Variants in RBFOX1 observed in about 807,000 individuals in gnomAD.
RBFOX1 encodes RNA binding fox-1 homolog 1.
Under a neutral mutation model 57.7 loss-of-function variants are expected in RBFOX1, and 8 were observed. The ratio of observed to expected loss-of-function variants is 0.14; its 90% CI spans 0.08 to 0.25. The LOEUF (loss-of-function observed/expected upper bound fraction) is 0.25, where lower values mean the gene tolerates loss of function less well. RBFOX1 is among the 10% of genes least tolerant of loss of function. The pLI, the probability that RBFOX1 is intolerant of heterozygous loss-of-function variation, is 1.00. For missense variants in RBFOX1, 611 were observed against 548.5 expected (o/e 1.11, Z -1.14); for synonymous variants, 326 against 222.4 (o/e 1.47, Z -4.15).
intron 4 of RBFOX1, among the ~76,000 whole-genome samples, chr16:5,926,620 T>A (rs1473182683): frequency 6.6e-6 from 1 of 152,138 alleles, no homozygotes; most frequent in Non-Finnish European, 1.5e-5. Context: ...TAAATCTCAA[T>A]CTCTTCATTA....
At chr16:7,266,320 C>T (rs2095140559) in intron 4 of RBFOX1, among the ~76,000 whole-genome samples, 1 of 152,084 alleles carries the variant, frequency 6.6e-6, no homozygotes, top group South Asian at 2.1e-4. Flanking sequence ...TTCCCCCACG[C>T]TCTCGCCCTC....
chr16:7,205,188 C>T (rs189353313), intron 4 of RBFOX1, among the ~76,000 whole-genome samples: 10 of 152,096 alleles, frequency 6.6e-5, no homozygotes, highest in African/African-American at 2.2e-4. Flanking sequence ...GAGGCTTGCT[C>T]GATGAATATT....
At chr16:7,307,304 G>T (rs2096212770) in intron 4 of RBFOX1, among the ~76,000 whole-genome samples, 1 of 152,118 alleles carries the variant, frequency 6.6e-6, no homozygotes, top group Non-Finnish European at 1.5e-5. Flanking sequence ...TGCTTTCTTT[G>T]TCTCAGCATG....
chr16:6,912,227 C>G (rs1013972106), intron 3 of RBFOX1, among the ~76,000 whole-genome samples: 3 of 152,160 alleles, frequency 2.0e-5, no homozygotes, highest in Admixed American at 1.3e-4. Flanking sequence ...TGGAGTTTCT[C>G]AAACTTGAGG....
intron 4 of RBFOX1, among the ~76,000 whole-genome samples, chr16:7,125,639 C>G (rs761169856): frequency 6.6e-6 from 1 of 152,164 alleles, no homozygotes; most frequent in East Asian, 1.9e-4. Context: ...ATCGTTAACT[C>G]TACAGAGGAA....
At chr16:5,752,235 C>T (rs1409053456) in intron 3 of RBFOX1, among the ~76,000 whole-genome samples, 1 of 152,048 alleles carries the variant, frequency 6.6e-6, no homozygotes, top group East Asian at 1.9e-4. Flanking sequence ...AACACAGGGA[C>T]ACATAGAGGG....
intron 2 of RBFOX1, among the ~76,000 whole-genome samples, chr16:5,589,993 C>T (rs991578297): frequency 2.0e-5 from 3 of 152,116 alleles, no homozygotes; most frequent in African/African-American, 4.8e-5. Flanking sequence ...TTTTCTATTC[C>T]TGCCTCTTGA....
intron 4 of RBFOX1, among the ~76,000 whole-genome samples, chr16:7,106,953 G>C (rs1393167954): frequency 8.2e-6 from 1 of 121,646 alleles, no homozygotes; most frequent in African/African-American, 3.2e-5. Flanking sequence ...ATCCTACGAA[G>C]CTTGCATTCC....
intron 2 of RBFOX1, among the ~76,000 whole-genome samples, chr16:6,575,686 T>C (rs2097423274): frequency 6.6e-6 from 1 of 151,988 alleles, no homozygotes; most frequent in Non-Finnish European, 1.5e-5. Flanking sequence ...GGTGAAACAC[T>C]GTCTGTACTA....
intron 2 of RBFOX1, among the ~76,000 whole-genome samples, chr16:6,475,710 T>A (rs2153086631): frequency 6.6e-6 from 1 of 152,336 alleles, no homozygotes; most frequent in African/African-American, 2.4e-5. Flanking sequence ...TCCTGCAAAC[T>A]TTCAATGTGG....
At chr16:7,185,679 G>C (rs916360031) in intron 4 of RBFOX1, among the ~76,000 whole-genome samples, 1 of 152,092 alleles carries the variant, frequency 6.6e-6, no homozygotes, top group Non-Finnish European at 1.5e-5. Flanking sequence ...CTAGTTATGC[G>C]GTTTATCTTC....
At chr16:5,705,867 CT>C (rs1352242976) in intron 3 of RBFOX1, among the ~76,000 whole-genome samples, 1 of 152,168 alleles carries the variant, frequency 6.6e-6, no homozygotes, top group Middle Eastern at 3.2e-3. Flanking sequence ...AAATAGGTGC[CT>C]GATAGATGTT....
At position 5,879,687 on chromosome 16, in the gene RBFOX1, G is replaced by A. The variant is rs746369167; in HGVS notation, c.351+12352G>A. On this transcript the variant is annotated intron_variant, in intron 4 of 19. Transcript: ENST00000641259. Reference sequence around the variant, plus strand: ...AGAGGCTAAGCTATGCAAGTAACAAGTTAACCATGAAATCTCAATGGCCTA... The same window carrying A: ...AGAGGCTAAGCTATGCAAGTAACAAATTAACCATGAAATCTCAATGGCCTA... Among the ~76,000 whole-genome samples the A allele has an allele frequency of 2.0e-5, 3 of 152,316 alleles. No individual in the cohort carries two copies. The East Asian group carries it at 5.8e-4, about 29-fold the overall frequency.
chr16:6,014,318 G>A (rs1054774957), upstream of RBFOX1, among the ~76,000 whole-genome samples: 1 of 152,096 alleles, frequency 6.6e-6, no homozygotes, highest in Admixed American at 6.5e-5. Flanking sequence ...ATGAAGGCAG[G>A]AGAGGAAAAG....
intron 3 of RBFOX1, among the ~76,000 whole-genome samples, chr16:5,859,969 C>T (rs1055384549): frequency 6.6e-6 from 1 of 152,130 alleles, no homozygotes; most frequent in Non-Finnish European, 1.5e-5. Flanking sequence ...TGGGACTGAT[C>T]CCAAAGCACC....
chr16:6,941,848 C>T (rs1271713577), intron 3 of RBFOX1, among the ~76,000 whole-genome samples: 1 of 152,078 alleles, frequency 6.6e-6, no homozygotes, highest in African/African-American at 2.4e-5. Context: ...CTAACTCTTT[C>T]CCATCTGGAG....
At chr16:7,206,600 C>G (rs1292686301) in intron 4 of RBFOX1, among the ~76,000 whole-genome samples, 1 of 152,058 alleles carries the variant, frequency 6.6e-6, no homozygotes, top group Non-Finnish European at 1.5e-5. Flanking sequence ...TATTGCCAGT[C>G]ATATCGTACT....
intron 2 of RBFOX1, among the ~76,000 whole-genome samples, chr16:5,505,044 T>C (rs1019418522): frequency 1.3e-5 from 2 of 150,324 alleles, no homozygotes; most frequent in African/African-American, 5.0e-5. Flanking sequence ...GTCAAGGCGC[T>C]GGTTGCATAG....
intron 1 of RBFOX1, among the ~76,000 whole-genome samples, chr16:5,457,629 C>T (rs1216362787): frequency 6.6e-6 from 1 of 152,154 alleles, no homozygotes; most frequent in Admixed American, 6.6e-5. Context: ...GCATGGAGCA[C>T]TCTTTCTCCT....
Sources: gnomAD v4.1 joint callset for allele counts (sites outside exome capture counted in the v4.1 genomes callset) on GRCh38, gnomAD v4.1.1 for gene constraint, MANE v1.5 for transcripts, NCBI Gene and HGNC (gene_info 2026-07-23, HGNC 2026-07-21) for gene names.